The following RCBTB2 variants were observed in gnomAD, a reference collection of about 807,000 sequenced individuals.
RCBTB2 encodes the protein RCC1 and BTB domain-containing protein 2.
A neutral mutation model predicts 65.4 loss-of-function variants in RCBTB2; 55 were observed. That is an observed-to-expected ratio of 0.84 (90% CI 0.68 to 1.05). The LOEUF is 1.05. Ranked by LOEUF, RCBTB2 falls within the 50% of genes least tolerant of loss-of-function variation. The pLI is 0.00. For missense variants in RCBTB2, 599 were observed against 680.1 expected, an observed-to-expected ratio of 0.88 and a Z score of 1.33; for synonymous variants, 220 against 255.2, an observed-to-expected ratio of 0.86 and a Z score of 1.31.
chr13:48,492,032 C>T (rs1181936845), intron 14 of RCBTB2, among the ~76,000 whole-genome samples: 1 of 152,198 alleles, frequency 6.6e-6, no homozygotes, highest in East Asian at 1.9e-4. Flanking sequence ...TCTGTTCTGT[C>T]CTGCAGTCCT....
chr13:48,489,189 G>A lies in RCBTB2; in HGVS notation c.*922C>T, dbSNP rs1362682816. ...TGTTAATGCTGTCCATGAAATGTAA[G>A]TATCAGTTCCTTCTCAGCTAGTGCT... On this transcript the variant is annotated 3_prime_UTR_variant, in exon 15 of 15. Coordinates refer to ENST00000344532, the MANE Select transcript of RCBTB2 (RefSeq NM_001268.4). The A allele has an allele frequency of 2.0e-5, 3 of 152,224 alleles. No individual in the cohort carries two copies. Among genetic ancestry groups the A allele is most frequent in the Admixed American group, 6.5e-5 (1 of 15,288 alleles). The allele number at this position is 152,224 out of a possible 1,614,324, so 9.4% of individuals were successfully genotyped here. A position where few individuals can be genotyped will look rare whatever the true frequency, so the allele number is the denominator to read the frequency against.
chr13:48,532,113 G>A (rs371609964), intron 1 of RCBTB2: 11 of 152,320 alleles, frequency 7.2e-5, no homozygotes, highest in African/African-American at 2.6e-4. Flanking sequence ...TCCTGGTCTC[G>A]AACTGTTGCA....
At chr13:48,509,592 GGCCAGGGGTCTTAA>G in intron 10 of RCBTB2, among the ~76,000 whole-genome samples, 1 of 152,134 alleles carries the variant, frequency 6.6e-6, no homozygotes, top group South Asian at 2.1e-4. Context: ...ATTCTGAAGG[GGCCAGGGGTCTTAA>G]ATTTTAAGGT....
At chr13:48,535,172 A>G (rs1952347332), upstream of RCBTB2, among the ~76,000 whole-genome samples, 1 of 151,848 alleles carries the variant, frequency 6.6e-6, no homozygotes, top group South Asian at 2.1e-4. Flanking sequence ...TCAGCTACCA[A>G]TGTGTTCTCT....
chr13:48,518,983 T>C (rs1951262508), intron 4 of RCBTB2, among the ~76,000 whole-genome samples: 1 of 152,206 alleles, frequency 6.6e-6, no homozygotes, highest in African/African-American at 2.4e-5. Flanking sequence ...AATCTAATAA[T>C]GTCTATATCT....
Position 48,502,863 on chromosome 13 carries a change from C to T in RCBTB2, c.978G>A (p.Thr326=), listed in dbSNP as rs766980058. ...CHSTHTSAAK[T]QGGHVYMWGQ... ...CCCACATGTACACGTGCCCACCCTGCGTCTTGGCCGCAGACGTGTGTGTGG... is the reference window on the plus strand; with the variant it reads ...CCCACATGTACACGTGCCCACCCTGTGTCTTGGCCGCAGACGTGTGTGTGG... Residue 326 remains threonine, a synonymous_variant, in exon 11 of 15, where the codon ACG becomes ACA. Transcript: ENST00000344532. 7 of 1,613,968 alleles carry T rather than the reference C, an allele frequency of 4.3e-6. No individual in the cohort carries two copies. The highest frequency in any genetic ancestry group is 3.3e-5 in the Admixed American group (2 of 59,994).
chr13:48,498,312 A>G (rs1363076114), intron 13 of RCBTB2, among the ~76,000 whole-genome samples: 1 of 152,230 alleles, frequency 6.6e-6, no homozygotes, highest in African/African-American at 2.4e-5. Flanking sequence ...GGAGGATTGG[A>G]CATATTTTTA....
rs757285271 is a variant in RCBTB2, at chr13:48,510,729, C to T, written c.826G>A (p.Gly276Ser). The T allele has an allele frequency of 5.0e-6, 8 of 1,614,120 alleles. No individual in the cohort carries two copies. The highest frequency in any genetic ancestry group is 4.4e-5 in the South Asian group (4 of 91,076). ...YAHTLVLTDE[G>S]QVYAWGANSY... ...TTGGCGCCCCAAGCATACACTTGGC[C>T]TTCATCTGTTAATACTAATGTGTGT... Residue 276 changes from glycine (G) to serine (S), a missense_variant, in exon 10 of 15, where the codon GGC (glycine) becomes AGC (serine). Coordinates refer to ENST00000344532, the MANE Select transcript of RCBTB2 (RefSeq NM_001268.4).
chr13:48,522,017 C>G (rs1951456318), intron 3 of RCBTB2, 55 bp from the exon 4 acceptor site: 1 of 1,474,346 alleles, frequency 6.8e-7, no homozygotes, highest in Non-Finnish European at 9.3e-7. Context: ...TGGAACCAGG[C>G]AGGTTAAAAT....
chr13:48,518,860 A>C (rs902000976), intron 4 of RCBTB2, among the ~76,000 whole-genome samples: 6 of 152,166 alleles, frequency 3.9e-5, no homozygotes, highest in African/African-American at 1.4e-4. Flanking sequence ...ATCATGAAGA[A>C]ATCTTATTTT....
At chr13:48,518,079 G>A (rs1951193856) in intron 4 of RCBTB2, among the ~76,000 whole-genome samples, 1 of 152,208 alleles carries the variant, frequency 6.6e-6, no homozygotes, top group Non-Finnish European at 1.5e-5. Context: ...GATTCTTCCT[G>A]AGAGATATCA....
intron 4 of RCBTB2, among the ~76,000 whole-genome samples, chr13:48,518,178 C>A (rs1020930837): frequency 1.3e-5 from 2 of 152,074 alleles, no homozygotes; most frequent in Non-Finnish European, 2.9e-5. Flanking sequence ...GAATTGTAGT[C>A]ATTTGTTACA....
intron 1 of RCBTB2, among the ~76,000 whole-genome samples, chr13:48,527,318 C>T (rs1566336270): frequency 5.7e-5 from 4 of 69,752 alleles, no homozygotes; most frequent in East Asian, 7.6e-4. Flanking sequence ...TATGACTTGG[C>T]TCATATATAT....
At chr13:48,515,044 G>A (rs569220927) in intron 6 of RCBTB2, among the ~76,000 whole-genome samples, 161 bp downstream of exon 6, 1 of 152,312 alleles carries the variant, frequency 6.6e-6, no homozygotes, top group African/African-American at 2.4e-5. Flanking sequence ...GATTCCATCT[G>A]CCACATCACC....
chr13:48,499,081 G>A (rs1483955703), intron 13 of RCBTB2, among the ~76,000 whole-genome samples: 2 of 146,646 alleles, frequency 1.4e-5, no homozygotes, highest in Non-Finnish European at 3.0e-5. Flanking sequence ...GGCAGAAGCT[G>A]CTAGTTGCCT....
chr13:48,513,622 G>A (rs1324329270), intron 6 of RCBTB2, among the ~76,000 whole-genome samples: 1 of 152,114 alleles, frequency 6.6e-6, no homozygotes, highest in Non-Finnish European at 1.5e-5. Flanking sequence ...TACAAAATTT[G>A]TCCACTGAAT....
chr13:48,514,245 C>A (rs531041590), intron 6 of RCBTB2, among the ~76,000 whole-genome samples: 4 of 152,308 alleles, frequency 2.6e-5, no homozygotes, highest in Admixed American at 1.3e-4. Flanking sequence ...ATAACTGAGA[C>A]AGCTACTAAG....
intron 10 of RCBTB2, among the ~76,000 whole-genome samples, chr13:48,503,652 G>A (rs1349413987): frequency 1.3e-5 from 2 of 152,010 alleles, no homozygotes; most frequent in African/African-American, 2.4e-5. Context: ...AGGCTCAAGC[G>A]ATCCTCCTAC....
chr13:48,503,390 G>A (rs1950336839), intron 10 of RCBTB2, among the ~76,000 whole-genome samples: 2 of 152,140 alleles, frequency 1.3e-5, no homozygotes, highest in South Asian at 4.1e-4. Flanking sequence ...AATGCTATGG[G>A]TCATTCCAAC....
Sources: gnomAD v4.1 joint callset for allele counts (sites outside exome capture counted in the v4.1 genomes callset) on GRCh38, gnomAD v4.1.1 for gene constraint, MANE v1.5 for transcripts, NCBI Gene and HGNC (gene_info 2026-07-23, HGNC 2026-07-21) for gene names.